USH1C: variants seen among roughly 807,000 people sequenced by gnomAD.
USH1C encodes harmonin.
A neutral mutation model predicts 119.3 loss-of-function variants in USH1C; 90 were observed. The observed-to-expected ratio is 0.75, with a 90% CI of 0.64 to 0.90. The LOEUF is 0.90. USH1C is among the 40% of genes least tolerant of loss of function. The pLI is 0.00. For missense variants in USH1C, 1,165 were observed against 1,167.7 expected (o/e 1.00, Z 0.03); for synonymous variants, 465 against 443.3 (o/e 1.05, Z -0.62).
rs1206956885 is a variant in USH1C at position 17,510,480 on chromosome 11, CTT to C, written c.1453_1454del (p.Lys485AspfsTer20). On this transcript the variant is annotated frameshift_variant, in exon 17 of 27. Coordinates refer to ENST00000005226, the MANE Select transcript of USH1C (RefSeq NM_153676.4). LOFTEE classifies it high-confidence loss of function. ...TEREDLEESE[K>X]IQYWVERLCQ... Reference sequence around the variant, plus strand: ...AGAGCCTCTCCACCCAATATTGAATCTTTTCCGATTCTTCAAGGTCTTCCCGC... The same window carrying C: ...AGAGCCTCTCCACCCAATATTGAATCTTCCGATTCTTCAAGGTCTTCCCGC... 1 of 1,613,926 alleles carries C rather than the reference CTT, an allele frequency of 6.2e-7. No individual in the cohort carries two copies. The highest frequency in any genetic ancestry group is 8.5e-7 in the Non-Finnish European group (1 of 1,179,998).
At chr11:17,508,701 A>T (rs1403968742) in intron 18 of USH1C, among the ~76,000 whole-genome samples, 1 of 152,210 alleles carries the variant, frequency 6.6e-6, no homozygotes, top group Non-Finnish European at 1.5e-5. Flanking sequence ...TCCAAGAAAA[A>T]CATTCCTATT....
At chr11:17,518,644 C>A (rs1035793392) in intron 14 of USH1C, among the ~76,000 whole-genome samples, 6 of 152,192 alleles carry the variant, frequency 3.9e-5, no homozygotes, top group African/African-American at 1.4e-4. Flanking sequence ...GGTTGGGGGG[C>A]AGTCAGTCCC....
chr11:17,524,323 G>C (rs772757562), intron 9 of USH1C, 128 bp downstream of exon 9: 155 of 1,011,696 alleles, frequency 1.5e-4, no homozygotes, highest in Non-Finnish European at 1.9e-4. Flanking sequence ...GGGTGGGTAG[G>C]GCTCCTACTC....
Position 17,544,304 on chromosome 11 carries a change from C to A in USH1C, c.4G>T (p.Asp2Tyr). MDRKVAREFRHK... is the reference protein window; with the variant it reads MYRKVAREFRHK... ...CGGAATTCTCGGGCCACTTTTCGGT[C>A]CATGGCTGGGCCAGGTCCAGCTGCG... is the stretch of plus-strand genomic sequence containing the variant. The change falls in exon 1 of 27, where the codon GAC (aspartate) becomes TAC (tyrosine). Residue 2 changes from aspartate to tyrosine, a missense_variant. Coordinates refer to ENST00000005226, the MANE Select transcript of USH1C (RefSeq NM_153676.4). 6.2e-7 allele frequency: 1 copy of A among 1,614,060 alleles called. No individual in the cohort carries two copies. The highest frequency in any genetic ancestry group is 8.5e-7 in the Non-Finnish European group (1 of 1,179,970).
chr11:17,511,127 A>AT (rs1849868361), intron 16 of USH1C, among the ~76,000 whole-genome samples: 6 of 152,160 alleles, frequency 3.9e-5, no homozygotes, highest in Admixed American at 2.6e-4. Flanking sequence ...CATAGGAATT[A>AT]TTCATGGTGT....
chr11:17,510,516 A>G lies in USH1C; in HGVS notation c.1419T>C (p.Ser473=), dbSNP rs772889885. 35 of 1,613,364 alleles carry G rather than the reference A, an allele frequency of 2.2e-5. No individual in the cohort carries two copies. The highest frequency in any genetic ancestry group is 1.0e-4 in the Admixed American group (6 of 60,010). The change falls in exon 17 of 27, where the codon TCT becomes TCC. Residue 473 remains serine (S), a synonymous_variant. Coordinates refer to ENST00000005226, the MANE Select transcript of USH1C (RefSeq NM_153676.4). ...LKINRLAQEV[S]ETEREDLEES... The stretch of plus-strand genomic sequence containing the variant: ...CTTCAAGGTCTTCCCGCTCTGTCTC[A>G]GACACCTGGGACCCAGGATCGGCGC...
Position 17,523,231 on chromosome 11 carries a change from T to G in USH1C, c.856A>C (p.Ile286Leu). Residue 286 changes from isoleucine (I) to leucine (L), a missense_variant, in exon 11 of 27, where the codon ATC becomes CTC. Physicochemically the swap from Ile to Leu is conservative, Grantham distance 5. Transcript: ENST00000005226. ...NVLKSSRSLT[I>L]SIVAAAGREL... ...CTTACAGCTGCAGCTACAATGGAGA[T>G]GGTCAGGCTGCGGCTACTCTTCAGC... The G allele has an allele frequency of 6.2e-7, 1 of 1,614,118 alleles. No homozygotes were observed. Among genetic ancestry groups the G allele is most frequent in the Non-Finnish European group, 8.5e-7 (1 of 1,180,010 alleles).
At chr11:17,498,377 C>T in intron 23 of USH1C, 106 bp from the exon 24 acceptor site, 2 of 1,073,672 alleles carry the variant, frequency 1.9e-6, no homozygotes, top group Non-Finnish European at 2.9e-6. Context: ...GAGACCTGAG[C>T]CTGGGTTCTG....
rs758684495 is a variant in USH1C, at chr11:17,509,360, G to C, written c.2009C>G (p.Pro670Arg). 4.4e-6 allele frequency: 7 copies of C among 1,576,550 alleles called. No homozygotes were observed. ...PVPEQSFPPT[P>R]KTFCPSPQPP... ...CATGCAGAACAGGGACATTACCTTT[G>C]GGGTGGGTGGGAAGCTCTGTTCAGG... Residue 670 changes from proline to arginine, a missense_variant, in exon 18 of 27, where the codon CCA becomes CGA. By Grantham distance (103) the Pro-to-Arg change is moderately radical. Coordinates refer to ENST00000005226, the MANE Select transcript of USH1C (RefSeq NM_153676.4).
At chr11:17,533,842 G>A in intron 1 of USH1C, 1 of 443,568 alleles carries the variant, frequency 2.3e-6, no homozygotes, top group Non-Finnish European at 4.6e-6. Context: ...CAGTGCCAGG[G>A]GACCTTCACT....
At position 17,494,174 on chromosome 11, in the gene USH1C, G is replaced by A. The variant is rs748615881; in HGVS notation, c.*158C>T. The A allele has an allele frequency of 2.2e-6, 2 of 918,188 alleles. No individual in the cohort carries two copies. Among genetic ancestry groups the A allele is most frequent in the Admixed American group, 4.1e-5 (2 of 48,528 alleles). The allele number at this position is 918,188 out of a possible 1,614,324, so 56.9% of individuals were successfully genotyped here. A position where few individuals can be genotyped will look rare whatever the true frequency, so the allele number is the denominator to read the frequency against. ...GGCCTTCAGAAGAGTGGCCCGAGCTGTTCCTTATCTGGCCCTGGTTCAGGG... is the reference window on the plus strand; with the variant it reads ...GGCCTTCAGAAGAGTGGCCCGAGCTATTCCTTATCTGGCCCTGGTTCAGGG... On this transcript the variant is annotated 3_prime_UTR_variant, in exon 27 of 27. Coordinates refer to ENST00000005226, the MANE Select transcript of USH1C (RefSeq NM_153676.4).
At chr11:17,541,775 C>T (rs1851477219) in intron 1 of USH1C, among the ~76,000 whole-genome samples, 1 of 152,228 alleles carries the variant, frequency 6.6e-6, no homozygotes, top group Non-Finnish European at 1.5e-5. Context: ...TCCCACTGGA[C>T]ACTCTGCAGG....
At chr11:17,522,627 A>G (rs1850460962) in intron 12 of USH1C, among the ~76,000 whole-genome samples, 157 bp downstream of exon 12, 1 of 152,158 alleles carries the variant, frequency 6.6e-6, no homozygotes, top group Admixed American at 6.5e-5. Flanking sequence ...CCAAGGATGG[A>G]TACGCTGACC....
chr11:17,503,284 G>A (rs865913392), intron 20 of USH1C, among the ~76,000 whole-genome samples: 4 of 152,290 alleles, frequency 2.6e-5, no homozygotes, highest in South Asian at 4.1e-4. Flanking sequence ...TGCCTACTCC[G>A]GCTGTTTCTC....
intron 20 of USH1C, among the ~76,000 whole-genome samples, chr11:17,504,246 C>T (rs1849552759): frequency 6.6e-6 from 1 of 152,148 alleles, no homozygotes; most frequent in African/African-American, 2.4e-5. Flanking sequence ...CTGTGATCTG[C>T]CCGGAGAAGA....
Position 17,521,014 on chromosome 11 carries a change from C to T in USH1C, c.1086-20G>A. 1 of 1,613,886 alleles carries T rather than the reference C, an allele frequency of 6.2e-7. No homozygotes were observed. The highest frequency in any genetic ancestry group is 1.1e-5 in the South Asian group (1 of 91,066). On this transcript the variant is annotated intron_variant, in intron 13 of 26. Transcript: ENST00000005226. The stretch of plus-strand genomic sequence containing the variant: ...ACAATCCTAAAATGAGACCCCCATG[C>T]CTGTTACTGGAGTCAGAACCCCCAT...
intron 21 of USH1C, 145 bp downstream of exon 21, chr11:17,501,794 G>T: frequency 1.0e-6 from 1 of 992,644 alleles, no homozygotes; most frequent in Non-Finnish European, 1.5e-6. Context: ...CGTGGGAAGA[G>T]CAGCTGGGGC....
chr11:17,520,837 C>G, intron 14 of USH1C, 33 bp downstream of exon 14: 1 of 1,613,816 alleles, frequency 6.2e-7, no homozygotes, highest in South Asian at 1.1e-5. Context: ...TGACTAGTTC[C>G]CTTAGCCTCT....
chr11:17,504,463 CTGATA>C (rs956127768), intron 20 of USH1C, among the ~76,000 whole-genome samples, 179 bp downstream of exon 20: 1 of 152,172 alleles, frequency 6.6e-6, no homozygotes, highest in African/African-American at 2.4e-5. Flanking sequence ...GGGTCCCCAT[CTGATA>C]TGATATCCTC....
Sources: allele counts gnomAD v4.1 joint callset (sites outside exome capture counted in the v4.1 genomes callset), GRCh38; gene constraint gnomAD v4.1.1; transcripts MANE v1.5; gene names NCBI Gene and HGNC (gene_info 2026-07-23, HGNC 2026-07-21).